Variants in RIMBP2 observed in about 807,000 individuals in gnomAD.
RIMBP2 encodes the protein RIMS binding protein 2.
In RIMBP2, 48 loss-of-function variants were observed where a neutral mutation model predicts 118.6. That is an observed-to-expected ratio of 0.40 (90% confidence interval 0.32 to 0.51). The LOEUF (loss-of-function observed/expected upper bound fraction) is 0.51. Among genes scored for constraint, RIMBP2 ranks in the 20% least tolerant of loss-of-function variants. The pLI, the probability that RIMBP2 is intolerant of heterozygous loss-of-function variation, is 0.41. For synonymous variants in RIMBP2, 762 were observed against 742.9 expected (o/e 1.03, Z -0.42); for missense variants, 1,551 against 1,768.3 (o/e 0.88, Z 2.20).
At chr12:130,412,546 C>T (rs559649083) in intron 19 of RIMBP2, 73 bp downstream of exon 19, 2 of 1,406,766 alleles carry the variant, frequency 1.4e-6, no homozygotes, top group South Asian at 2.6e-5. Flanking sequence ...CTCATCACCG[C>T]CTGCCTCTCT....
chr12:130,540,489 C>G (rs1230079605), intron 2 of RIMBP2, among the ~76,000 whole-genome samples: 1 of 152,170 alleles, frequency 6.6e-6, no homozygotes, highest in Non-Finnish European at 1.5e-5. Flanking sequence ...TTTGTCTTAT[C>G]TGAGTTTCTT....
At chr12:130,467,477 A>T (rs1258287929) in intron 6 of RIMBP2, among the ~76,000 whole-genome samples, 1 of 152,326 alleles carries the variant, frequency 6.6e-6, no homozygotes, top group Non-Finnish European at 1.5e-5. Flanking sequence ...CAACCCAGCC[A>T]ATCAGCACTC....
rs1250482832 is a variant in RIMBP2 at position 130,422,886 on chromosome 12, G to A, written c.3130-325C>T. ...CAATGGCTTGAATACATCCCACCCC[G>A]CCTTGGCTCCTTGGAGCACCTGAGT... On this transcript the variant is annotated intron_variant, in intron 16 of 22. Coordinates refer to ENST00000690449, the MANE Select transcript of RIMBP2 (RefSeq NM_001393629.1). The surrounding 1 kb of genome is among the most constrained non-coding windows in gnomAD (Gnocchi z 5.2). Among the ~76,000 whole-genome samples, 2 of 152,064 alleles carry A rather than the reference G, an allele frequency of 1.3e-5. No individual in the cohort carries two copies. Among genetic ancestry groups the A allele is most frequent in the Admixed American group, 6.6e-5 (1 of 15,256 alleles).
At chr12:130,512,184 G>A (rs931906368) in intron 3 of RIMBP2, among the ~76,000 whole-genome samples, 6 of 152,156 alleles carry the variant, frequency 3.9e-5, no homozygotes, top group Non-Finnish European at 5.9e-5. Context: ...TCTCTGCCTG[G>A]TTGGGCTTTG....
Position 130,434,940 on chromosome 12 carries a change from C to A in RIMBP2, c.2107-60G>T. ...GGGCCACCTTCAGCTACGCTCAGCC[C>A]CACCTGCATTCACCAAACCTTCAGC... On this transcript the variant is annotated intron_variant, in intron 13 of 22. Coordinates refer to ENST00000690449, the MANE Select transcript of RIMBP2 (RefSeq NM_001393629.1). The surrounding 1 kb of genome is among the most constrained non-coding windows in gnomAD (Gnocchi z 5.7). 1 of 1,523,650 alleles carries A rather than the reference C, an allele frequency of 6.6e-7. No homozygotes were observed. The highest frequency in any genetic ancestry group is 8.8e-7 in the Non-Finnish European group (1 of 1,133,164). The allele number at this position is 1,523,650 out of a possible 1,614,324, so 94.4% of individuals were successfully genotyped here.
rs373897045 is a variant in RIMBP2, at chr12:130,536,613, G to T, written c.-216-18696C>A. On this transcript the variant is annotated intron_variant, in intron 2 of 22. Coordinates refer to ENST00000690449, the MANE Select transcript of RIMBP2 (RefSeq NM_001393629.1). ...TCTATTCCCCAACCAACTGGACCTT[G>T]GAGTATAGAAGTTGTTGCAGGTCCC... Among the ~76,000 whole-genome samples the T allele has an allele frequency of 9.2e-5, 14 of 152,316 alleles. No individual in the cohort carries two copies. In the East Asian group the frequency reaches 2.5e-3, roughly 27 times the overall value.
intron 1 of RIMBP2, among the ~76,000 whole-genome samples, chr12:130,655,308 T>C (rs966702525): frequency 6.6e-6 from 1 of 152,250 alleles, no homozygotes; most frequent in Non-Finnish European, 1.5e-5. Context: ...TACCTCGTTA[T>C]ATACCAACTG....
chr12:130,464,363 G>C (rs560763285), intron 6 of RIMBP2, among the ~76,000 whole-genome samples: 1 of 152,324 alleles, frequency 6.6e-6, no homozygotes, highest in South Asian at 2.1e-4. Context: ...TGATTTCATT[G>C]ATCACTGGCT....
intron 1 of RIMBP2, among the ~76,000 whole-genome samples, chr12:130,701,073 G>T (rs2065833503): frequency 1.3e-5 from 2 of 152,236 alleles, no homozygotes; most frequent in Admixed American, 6.5e-5. Flanking sequence ...ACTGAGAAGG[G>T]CTAAAACACA....
chr12:130,569,210 G>A (rs181554382), intron 2 of RIMBP2, among the ~76,000 whole-genome samples: 14 of 152,314 alleles, frequency 9.2e-5, no homozygotes, highest in South Asian at 2.1e-4. Context: ...TAAGTGAACC[G>A]TGTCACCACA....
chr12:130,437,011 C>T lies in RIMBP2; in HGVS notation c.1937G>A (p.Arg646His), dbSNP rs915996535. 1.7e-5 allele frequency: 27 copies of T among 1,595,954 alleles called. No individual in the cohort carries two copies. The highest frequency in any genetic ancestry group is 2.2e-5 in the East Asian group (1 of 44,454). ...GTGCCCATGCACAGGGCCAGGTGCA[C>T]GGCTCTGCTCCCAGGCCTCATCCAT... is the stretch of plus-strand genomic sequence containing the variant. ...ARMDEAWEQSRAPGPVHGHML... is the reference protein window; with the variant it reads ...ARMDEAWEQSHAPGPVHGHML... Residue 646 changes from arginine to histidine, a missense_variant, in exon 13 of 23, where the codon CGT becomes CAT. This residue lies in a region of RIMBP2 where 1,038 missense variants were observed against 1,125.1 expected (regional missense o/e 0.92). Coordinates refer to ENST00000690449, the MANE Select transcript of RIMBP2 (RefSeq NM_001393629.1).
At chr12:130,698,297 T>C (rs1163782726) in intron 1 of RIMBP2, among the ~76,000 whole-genome samples, 2 of 152,174 alleles carry the variant, frequency 1.3e-5, no homozygotes, top group Non-Finnish European at 2.9e-5. Context: ...ACTCAAACAC[T>C]GTCCTTAACT....
At chr12:130,448,273 C>T (rs1468143128) in intron 9 of RIMBP2, among the ~76,000 whole-genome samples, 1 of 152,212 alleles carries the variant, frequency 6.6e-6, no homozygotes, top group Admixed American at 6.5e-5. Flanking sequence ...GGAGCCACAC[C>T]AGCCGTGGGT....
chr12:130,405,639 T>A (rs1404876343), intron 21 of RIMBP2, among the ~76,000 whole-genome samples: 1 of 147,680 alleles, frequency 6.8e-6, no homozygotes, highest in Non-Finnish European at 1.5e-5. Context: ...GGAGGGTGGC[T>A]CTGAGGTCCC....
At chr12:130,665,416 T>C (rs1198367224) in intron 1 of RIMBP2, among the ~76,000 whole-genome samples, 1 of 151,258 alleles carries the variant, frequency 6.6e-6, no homozygotes, top group African/African-American at 2.5e-5. Flanking sequence ...TCACAGCTAC[T>C]TGGGAGGCTG....
chr12:130,510,042 G>A (rs1260924939), intron 3 of RIMBP2, among the ~76,000 whole-genome samples: 1 of 152,244 alleles, frequency 6.6e-6, no homozygotes, highest in South Asian at 2.1e-4. Flanking sequence ...GCACTGGACA[G>A]TCAGGAATTG....
chr12:130,408,644 C>T (rs1050845928), intron 19 of RIMBP2, among the ~76,000 whole-genome samples: 1 of 152,178 alleles, frequency 6.6e-6, no homozygotes, highest in African/African-American at 2.4e-5. Flanking sequence ...AGTGCAGAGC[C>T]GCAGAACCTG....
At chr12:130,398,426 A>G (rs1441293844) in intron 22 of RIMBP2, 1 of 152,672 alleles carries the variant, frequency 6.5e-6, no homozygotes, top group African/African-American at 2.4e-5. Context: ...CTAATGGAAA[A>G]CACCTAGTAA....
At chr12:130,666,884 G>C (rs1423754932) in intron 1 of RIMBP2, among the ~76,000 whole-genome samples, 2 of 133,750 alleles carry the variant, frequency 1.5e-5, no homozygotes, top group Non-Finnish European at 3.2e-5. Context: ...AGGAAGAAGG[G>C]AAGGAAGGAG....
Sources: allele counts gnomAD v4.1 joint callset (sites outside exome capture counted in the v4.1 genomes callset), GRCh38; gene constraint gnomAD v4.1.1; regional missense constraint gnomAD v4.1.1; non-coding constraint Gnocchi (gnomAD v3.1); transcripts MANE v1.5; gene names NCBI Gene and HGNC (gene_info 2026-07-23, HGNC 2026-07-21).